Variants in CDC14B observed in about 807,000 individuals in gnomAD.
CDC14B encodes the protein cell division cycle 14B.
A neutral mutation model predicts 64.2 loss-of-function variants in CDC14B; 22 were observed. The observed-to-expected ratio is 0.34, with a 90% CI of 0.24 to 0.49. The LOEUF (loss-of-function observed/expected upper bound fraction) is 0.49, where lower values mean the gene tolerates loss of function less well. CDC14B is among the 20% of genes least tolerant of loss of function. The pLI is 0.99. For missense variants in CDC14B, 498 were observed against 629.9 expected, an observed-to-expected ratio of 0.79 and a Z score of 2.24; for synonymous variants, 191 against 215.8, an observed-to-expected ratio of 0.89 and a Z score of 1.01.
chr9:96,577,656 A>G (rs1262040222), intron 1 of CDC14B, among the ~76,000 whole-genome samples: 1 of 152,018 alleles, frequency 6.6e-6, no homozygotes, highest in Non-Finnish European at 1.5e-5. Context: ...ACCCCACCGA[A>G]CTCTCCCTCT....
intron 9 of CDC14B, among the ~76,000 whole-genome samples, chr9:96,524,585 C>T (rs1564242258): frequency 6.6e-6 from 1 of 152,024 alleles, no homozygotes; most frequent in South Asian, 2.1e-4. Context: ...TGTGTCAATC[C>T]GGAATGAATC....
At chr9:96,498,898 A>G (rs1244756680), downstream of CDC14B, among the ~76,000 whole-genome samples, 1 of 152,228 alleles carries the variant, frequency 6.6e-6, no homozygotes, top group Non-Finnish European at 1.5e-5. Flanking sequence ...GGAAGGAGAC[A>G]AGTCTCTAAG....
chr9:96,548,390 T>TA (rs964760724), intron 5 of CDC14B, among the ~76,000 whole-genome samples: 2 of 152,030 alleles, frequency 1.3e-5, no homozygotes, highest in African/African-American at 2.4e-5. Flanking sequence ...CTATGATATT[T>TA]AAAAAAAATT....
At chr9:96,537,184 G>C (rs963119861) in intron 7 of CDC14B, among the ~76,000 whole-genome samples, 3 of 152,068 alleles carry the variant, frequency 2.0e-5, no homozygotes, top group Non-Finnish European at 2.9e-5. Context: ...CCCGTTACTG[G>C]GAGGCTGAGG....
At chr9:96,601,794 GA>G (rs35472518) in intron 1 of CDC14B, among the ~76,000 whole-genome samples, 9,754 of 68,248 alleles carry the variant, frequency 0.14, 465 homozygotes, top group African/African-American at 0.27. Context: ...ACGCTGTCTC[GA>G]AAAAAAAAAA....
At chr9:96,509,437 C>T (rs1390210979) in intron 13 of CDC14B, among the ~76,000 whole-genome samples, 1 of 152,216 alleles carries the variant, frequency 6.6e-6, no homozygotes, top group Non-Finnish European at 1.5e-5. Context: ...CATATCATGA[C>T]CCAGAGACCA....
chr9:96,590,905 T>C (rs1215965386), intron 1 of CDC14B, among the ~76,000 whole-genome samples: 1 of 152,180 alleles, frequency 6.6e-6, no homozygotes, highest in Non-Finnish European at 1.5e-5. Context: ...CATGTGTATA[T>C]CTTCTTTAGA....
intron 12 of CDC14B, among the ~76,000 whole-genome samples, chr9:96,514,235 C>A (rs1835303364): frequency 6.6e-6 from 1 of 152,180 alleles, no homozygotes; most frequent in Admixed American, 6.5e-5. Flanking sequence ...GATCATTCAA[C>A]CACAAAGTGC....
At chr9:96,618,858 C>G (rs1201619096) in intron 1 of CDC14B, 2 of 325,376 alleles carry the variant, frequency 6.1e-6, no homozygotes, top group South Asian at 2.5e-5. Flanking sequence ...GGCTCGCAAT[C>G]CCTGAAGGCG....
intron 5 of CDC14B, among the ~76,000 whole-genome samples, chr9:96,551,110 G>GTTTTTTTTTTTTTTTTTTTTTTTTT (rs1841741325): frequency 1.5e-5 from 1 of 65,968 alleles, no homozygotes; most frequent in Non-Finnish European, 2.4e-5. Context: ...TTTGGGGTTT[G>GTTTTTTTTTTTTTTTTTTTTTTTTT]CTTTTTTTTT....
chr9:96,530,958 T>A (rs993469326), intron 9 of CDC14B, among the ~76,000 whole-genome samples: 4 of 152,340 alleles, frequency 2.6e-5, no homozygotes, highest in East Asian at 3.9e-4. Flanking sequence ...ACTGATTGAT[T>A]TTCATATGTT....
intron 5 of CDC14B, 64 bp downstream of exon 5, chr9:96,551,732 A>G: frequency 1.3e-6 from 2 of 1,575,362 alleles, no homozygotes; most frequent in Non-Finnish European, 1.7e-6. Flanking sequence ...TTCAGAAACA[A>G]CTATCAAGAT....
chr9:96,520,076 T>C (rs1836443103), intron 12 of CDC14B, among the ~76,000 whole-genome samples: 1 of 152,018 alleles, frequency 6.6e-6, no homozygotes, highest in South Asian at 2.1e-4. Context: ...AAACTGCAAA[T>C]AATAGCAGAG....
chr9:96,605,692 AG>A (rs1451793725), intron 1 of CDC14B, among the ~76,000 whole-genome samples: 14 of 152,118 alleles, frequency 9.2e-5, no homozygotes. Flanking sequence ...ATGCCTACTT[AG>A]TTTTAGTAAA....
Position 96,522,506 on chromosome 9 carries a change from G to C in CDC14B, c.1343C>G (p.Thr448Arg), listed in dbSNP as rs1470388713. 6.2e-7 allele frequency: 1 copy of C among 1,601,362 alleles called. No individual in the cohort carries two copies. The highest frequency in any genetic ancestry group is 8.6e-7 in the Non-Finnish European group (1 of 1,168,362). The part of the protein sequence containing the change: ...RQSKTNAIPL[T>R]VILQSSVQSC... ...CCACAACAAAGGAACCCAGACTCAC[G>C]TGAGAGGAATAGCGTTTGTTTTGGA... The change falls in exon 12 of 14, where the codon ACA (threonine) becomes AGA (arginine). Residue 448 changes from threonine (T) to arginine (R), a missense_variant and splice_region_variant. Transcript: ENST00000375241.
intron 4 of CDC14B, among the ~76,000 whole-genome samples, chr9:96,556,091 G>T (rs548981495): frequency 9.9e-5 from 15 of 152,214 alleles, no homozygotes; most frequent in Non-Finnish European, 1.5e-4. Flanking sequence ...TTATGCACAG[G>T]ATTCTGAAGC....
At chr9:96,617,690 G>A (rs576683229) in intron 1 of CDC14B, among the ~76,000 whole-genome samples, 1 of 152,272 alleles carries the variant, frequency 6.6e-6, no homozygotes, top group Non-Finnish European at 1.5e-5. Flanking sequence ...ACAAGAAACT[G>A]GGAAGAGTAG....
chr9:96,531,320 AG>A (rs1405913923), intron 9 of CDC14B, among the ~76,000 whole-genome samples: 1 of 152,030 alleles, frequency 6.6e-6, no homozygotes, highest in Non-Finnish European at 1.5e-5. Flanking sequence ...CTTATTAGTT[AG>A]GGGTCTGTTC....
In CDC14B at chr9:96,509,638, T is replaced by G. The variant is rs752339152; in HGVS notation, c.1460+35A>C. ...AATATTAAACTGGAAAACAAACGCT[T>G]GCAACTTTTCAGAAGAGTAGGATTC... On this transcript the variant is annotated intron_variant, in intron 13 of 13. Transcript: ENST00000375241. The G allele has an allele frequency of 1.1e-5, 14 of 1,315,066 alleles. No individual in the cohort carries two copies. The South Asian group carries it at 1.5e-4, about 14-fold the overall frequency. 81.5% of individuals were successfully genotyped at this position (1,315,066 alleles called of 1,614,324 possible).
Sources: gnomAD v4.1 joint callset for allele counts (sites outside exome capture counted in the v4.1 genomes callset) on GRCh38, gnomAD v4.1.1 for gene constraint, MANE v1.5 for transcripts, NCBI Gene and HGNC (gene_info 2026-07-23, HGNC 2026-07-21) for gene names.